The following NR3C2 variants were observed in gnomAD, a reference collection of about 807,000 sequenced individuals.
NR3C2 encodes nuclear receptor subfamily 3 group C member 2.
NR3C2 carries 15 observed loss-of-function variants against 86.4 expected under a neutral mutation model. The observed-to-expected ratio is 0.17, with a 90% CI of 0.12 to 0.27. NR3C2 has a LOEUF of 0.27. NR3C2 is among the 10% of genes least tolerant of loss of function. The pLI is 1.00. For missense variants in NR3C2, 960 were observed against 1,195.6 expected (o/e 0.80, Z 2.91); for synonymous variants, 458 against 450.5 (o/e 1.02, Z -0.21).
At chr4:148,314,221 G>C (rs1054564668) in intron 2 of NR3C2, among the ~76,000 whole-genome samples, 15 of 152,136 alleles carry the variant, frequency 9.9e-5, no homozygotes, top group African/African-American at 3.1e-4. Flanking sequence ...TGACAAGAGG[G>C]AGAGAAAGCA....
At chr4:148,277,999 C>T (rs931568306) in intron 2 of NR3C2, among the ~76,000 whole-genome samples, 1 of 152,170 alleles carries the variant, frequency 6.6e-6, no homozygotes, top group African/African-American at 2.4e-5. Context: ...TCCTAGCATC[C>T]CAAGATGGAA....
intron 2 of NR3C2, among the ~76,000 whole-genome samples, chr4:148,269,051 T>A (rs1740535919): frequency 6.6e-6 from 1 of 152,166 alleles, no homozygotes; most frequent in Non-Finnish European, 1.5e-5. Context: ...GAGTAAGGAC[T>A]CCATGTTCTG....
At chr4:148,387,874 A>G (rs931129087) in intron 2 of NR3C2, among the ~76,000 whole-genome samples, 3 of 152,256 alleles carry the variant, frequency 2.0e-5, no homozygotes, top group Non-Finnish European at 4.4e-5. Flanking sequence ...TGGAGCAAGC[A>G]GTATTTTACA....
intron 8 of NR3C2, among the ~76,000 whole-genome samples, chr4:148,093,957 T>C (rs532187408): frequency 6.8e-4 from 104 of 152,280 alleles, no homozygotes; most frequent in Non-Finnish European, 1.2e-3. Flanking sequence ...AAGAGGTTAA[T>C]ATTCAGAATA....
At position 148,230,031 on chromosome 4, in the gene NR3C2, C is replaced by T. The variant is rs555797406; in HGVS notation, c.1897+29947G>A. Among the ~76,000 whole-genome samples, 72 of 152,204 alleles carry T rather than the reference C, an allele frequency of 4.7e-4. 1 individual carries two copies. The South Asian group carries it at 0.015, about 32-fold the overall frequency. On this transcript the variant is annotated intron_variant, in intron 3 of 8. Transcript: ENST00000358102. ...GAGGTCAAAGGTTTCCTGAGACCTT[C>T]TGTGGGGGTGGGAAAGCTGTCCTTC... is the stretch of plus-strand genomic sequence containing the variant.
chr4:148,403,732 G>A (rs1748278334), intron 2 of NR3C2, among the ~76,000 whole-genome samples: 1 of 152,078 alleles, frequency 6.6e-6, no homozygotes, highest in Non-Finnish European at 1.5e-5. Context: ...GTAAGTACCA[G>A]TGTAGAAGTT....
chr4:148,376,591 T>C (rs185078825), intron 2 of NR3C2, among the ~76,000 whole-genome samples: 3 of 152,196 alleles, frequency 2.0e-5, no homozygotes, highest in African/African-American at 4.8e-5. Context: ...TTATTTTACT[T>C]ATAAAAATGC....
chr4:148,224,742 T>A (rs182705953), intron 3 of NR3C2, among the ~76,000 whole-genome samples: 323 of 152,308 alleles, frequency 2.1e-3, no homozygotes, highest in Middle Eastern at 0.017. Context: ...AACTTGAATG[T>A]CTTCATTTTT....
chr4:148,106,631 AACCAAAACAGCATGGTACTGGT>A (rs1731812117), intron 8 of NR3C2, among the ~76,000 whole-genome samples: 2 of 152,250 alleles, frequency 1.3e-5, no homozygotes, highest in South Asian at 4.1e-4. Flanking sequence ...AGGCTACAGT[AACCAAAACAGCATGGTACTGGT>A]ACCAAAACAG....
At chr4:148,091,444 G>A (rs935540535) in intron 8 of NR3C2, among the ~76,000 whole-genome samples, 1 of 152,228 alleles carries the variant, frequency 6.6e-6, no homozygotes, top group African/African-American at 2.4e-5. Context: ...CATCTCAACT[G>A]GAAAAATCCA....
intron 2 of NR3C2, among the ~76,000 whole-genome samples, chr4:148,413,558 A>G (rs1485240182): frequency 6.6e-6 from 1 of 152,032 alleles, no homozygotes; most frequent in East Asian, 1.9e-4. Flanking sequence ...CACAAGCAGT[A>G]GACTGGGAGA....
intron 6 of NR3C2, among the ~76,000 whole-genome samples, chr4:148,145,210 G>C (rs1733808413): frequency 6.6e-6 from 1 of 152,160 alleles, no homozygotes; most frequent in South Asian, 2.1e-4. Flanking sequence ...TTCAGGTATG[G>C]TATGACCTAG....
At chr4:148,287,734 T>C (rs140115761) in intron 2 of NR3C2, among the ~76,000 whole-genome samples, 11 of 152,312 alleles carry the variant, frequency 7.2e-5, no homozygotes, top group Admixed American at 7.2e-4. Context: ...TGAGTGTGTA[T>C]TGTAAATATT....
intron 6 of NR3C2, among the ~76,000 whole-genome samples, chr4:148,130,014 G>A (rs1034139460): frequency 1.3e-5 from 2 of 152,072 alleles, no homozygotes; most frequent in African/African-American, 2.4e-5. Flanking sequence ...TACTGTTTTA[G>A]CTACTTGCTT....
At chr4:148,094,924 C>G (rs1183044411) in intron 8 of NR3C2, among the ~76,000 whole-genome samples, 3 of 152,010 alleles carry the variant, frequency 2.0e-5, no homozygotes, top group Non-Finnish European at 2.9e-5. Flanking sequence ...AAAACATTAA[C>G]TAAGTGAAAT....
intron 2 of NR3C2, among the ~76,000 whole-genome samples, chr4:148,318,266 A>T (rs1743331264): frequency 6.6e-6 from 1 of 151,420 alleles, no homozygotes; most frequent in Admixed American, 6.6e-5. Context: ...TTCTTAATCC[A>T]GTCTATCATT....
chr4:148,163,123 A>G (rs1734738024), intron 4 of NR3C2, among the ~76,000 whole-genome samples: 2 of 152,202 alleles, frequency 1.3e-5, no homozygotes, highest in African/African-American at 2.4e-5. Flanking sequence ...AGGGATTTAG[A>G]TTAGACATTA....
chr4:148,392,529 T>C (rs61756927), intron 2 of NR3C2, among the ~76,000 whole-genome samples: 35 of 152,256 alleles, frequency 2.3e-4, no homozygotes, highest in Admixed American at 4.6e-4. Context: ...TCCACGGCAC[T>C]TGCACTCACT....
chr4:148,113,112 A>G (rs952982243), intron 8 of NR3C2, among the ~76,000 whole-genome samples: 2 of 152,230 alleles, frequency 1.3e-5, no homozygotes, highest in Non-Finnish European at 2.9e-5. Context: ...AGTTATCCAA[A>G]TCAATATTTT....
Sources: gnomAD v4.1 joint callset for allele counts (sites outside exome capture counted in the v4.1 genomes callset) on GRCh38, gnomAD v4.1.1 for gene constraint, MANE v1.5 for transcripts, NCBI Gene and HGNC (gene_info 2026-07-23, HGNC 2026-07-21) for gene names.